The following DHRSX variants were observed in gnomAD, a reference collection of about 807,000 sequenced individuals.
DHRSX encodes polyprenol dehydrogenase.
In DHRSX, 31 loss-of-function variants were observed where a neutral mutation model predicts 34.0. The ratio of observed to expected loss-of-function variants is 0.91; its 90% CI spans 0.69 to 1.23. The LOEUF (loss-of-function observed/expected upper bound fraction) is 1.23, where lower values mean the gene tolerates loss of function less well. DHRSX is among the 50% of genes most tolerant of loss of function. The probability of loss-of-function intolerance (pLI) is 0.00; values close to 1 mark genes in which losing one functional copy is unlikely to be tolerated. For synonymous variants in DHRSX, 201 were observed against 183.8 expected (o/e 1.09, Z -0.76); for missense variants, 414 against 428.1 (o/e 0.97, Z 0.29).
chrX:2,222,057 A>G (rs2015533166), intron 6 of DHRSX, among the ~76,000 whole-genome samples: 1 of 152,220 alleles, frequency 6.6e-6, no homozygotes, highest in African/African-American at 2.4e-5. Context: ...ATGTGGGGAC[A>G]CAGTAATGAG....
chrX:2,294,176 A>T (rs953502724), intron 3 of DHRSX, among the ~76,000 whole-genome samples: 11 of 152,072 alleles, frequency 7.2e-5, no homozygotes, highest in African/African-American at 2.4e-4. Context: ...AGACACAGTG[A>T]GAGAGAGAAA....
At chrX:2,350,076 T>G (rs2042771362) in intron 3 of DHRSX, among the ~76,000 whole-genome samples, 1 of 151,434 alleles carries the variant, frequency 6.6e-6, no homozygotes, top group African/African-American at 2.4e-5. Flanking sequence ...CCAGGTGCAG[T>G]GGCCCACGCC....
chrX:2,350,058 G>C (rs985057522), intron 3 of DHRSX, among the ~76,000 whole-genome samples: 22 of 149,032 alleles, frequency 1.5e-4, no homozygotes, highest in African/African-American at 5.4e-4. Flanking sequence ...AAAAAAGAAC[G>C]TAATTGGCCA....
rs1159991841 is a variant in DHRSX, at chrX:2,331,436, G to GTTTTTTTTTTTTTTTTTTTTTT, written c.287-39855_287-39834dup. On this transcript the variant is annotated intron_variant, in intron 3 of 6. Coordinates refer to ENST00000334651, the MANE Select transcript of DHRSX (RefSeq NM_145177.3). ...GGAATCCTTTCAGGAAGGTTTTTTG[G>GTTTTTTTTTTTTTTTTTTTTTT]TTTTTTTTTTTTTTTTTTTTTTTTT... Among the ~76,000 whole-genome samples the GTTTTTTTTTTTTTTTTTTTTTT allele has an allele frequency of 2.1e-5, 2 of 94,658 alleles. 1 individual carries two copies. Among genetic ancestry groups the GTTTTTTTTTTTTTTTTTTTTTT allele is most frequent in the Non-Finnish European group, 4.3e-5 (2 of 46,468 alleles). 62.1% of individuals were successfully genotyped at this position (94,658 alleles called of 152,430 possible). A position where few individuals can be genotyped will look rare whatever the true frequency, so the allele number is the denominator to read the frequency against.
chrX:2,474,433 T>C (rs2044642354), intron 1 of DHRSX, among the ~76,000 whole-genome samples: 1 of 149,538 alleles, frequency 6.7e-6, no homozygotes, highest in South Asian at 2.1e-4. Flanking sequence ...CGCCCCCATG[T>C]ACGCACTGAA....
intron 1 of DHRSX, among the ~76,000 whole-genome samples, chrX:2,455,690 G>C (rs1229113830): frequency 7.0e-6 from 1 of 143,210 alleles, no homozygotes; most frequent in African/African-American, 2.6e-5. Context: ...GCAGTGAGCC[G>C]AGATTGTGCT....
chrX:2,314,470 GAAGGAAGGAAGGAA>G (rs2042215567), intron 3 of DHRSX, among the ~76,000 whole-genome samples: 8 of 40,764 alleles, frequency 2.0e-4, no homozygotes, highest in African/African-American at 7.3e-4. Context: ...AGGAAGGGGA[GAAGGAAGGAAGGAA>G]GGAAGGGAGG....
At chrX:2,259,379 T>TAA (rs1390973178) in intron 5 of DHRSX, among the ~76,000 whole-genome samples, 1 of 67,358 alleles carries the variant, frequency 1.5e-5, no homozygotes, top group African/African-American at 7.4e-5. Flanking sequence ...TATATAGATA[T>TAA]ATATATAGAT....
intron 3 of DHRSX, among the ~76,000 whole-genome samples, chrX:2,325,942 T>C (rs1174183971): frequency 6.6e-6 from 1 of 152,138 alleles, no homozygotes; most frequent in East Asian, 1.9e-4. Flanking sequence ...AACCCCAGGG[T>C]ATATACCCCA....
chrX:2,229,883 G>A (rs1410829376), intron 6 of DHRSX, among the ~76,000 whole-genome samples: 3 of 152,280 alleles, frequency 2.0e-5, no homozygotes, highest in Admixed American at 1.3e-4. Flanking sequence ...ATGTCTGTAT[G>A]TATATGGATA....
In DHRSX at chrX:2,227,438, A is replaced by G. The variant is rs193044807; in HGVS notation, c.805-6209T>C. On this transcript the variant is annotated intron_variant, in intron 6 of 6. Coordinates refer to ENST00000334651, the MANE Select transcript of DHRSX (RefSeq NM_145177.3). ...ATGGGAGGGAAGGAAGGAGTGACAC[A>G]GAGAGAGAGGGAGGGAGGCAGTAAG... Among the ~76,000 whole-genome samples the G allele has an allele frequency of 1.7e-3, 254 of 149,658 alleles. 1 individual carries two copies. Among genetic ancestry groups the G allele is most frequent in the African/African-American group, 5.9e-3 (240 of 40,608 alleles).
chrX:2,268,811 C>T, intron 4 of DHRSX, among the ~76,000 whole-genome samples: 1 of 152,256 alleles, frequency 6.6e-6, no homozygotes, highest in East Asian at 1.9e-4. Flanking sequence ...TACAAACACA[C>T]AGCATTTGTC....
intron 2 of DHRSX, among the ~76,000 whole-genome samples, chrX:2,413,505 A>G (rs2043656880): frequency 6.6e-6 from 1 of 152,238 alleles, no homozygotes; most frequent in African/African-American, 2.4e-5. Flanking sequence ...GCCATTCCAG[A>G]TGGAAACATA....
At chrX:2,394,992 G>C (rs1349347115) in intron 3 of DHRSX, among the ~76,000 whole-genome samples, 2 of 138,782 alleles carry the variant, frequency 1.4e-5, no homozygotes, top group East Asian at 4.0e-4. Flanking sequence ...GTGAGGACAA[G>C]TGGTCCGAGT....
intron 3 of DHRSX, among the ~76,000 whole-genome samples, chrX:2,382,053 C>A (rs2043209815): frequency 6.6e-6 from 1 of 152,144 alleles, no homozygotes; most frequent in Non-Finnish European, 1.5e-5. Flanking sequence ...AAAACATGGA[C>A]AAGAAGATGC....
chrX:2,356,054 G>A (rs1157631346), intron 3 of DHRSX, among the ~76,000 whole-genome samples: 6 of 139,996 alleles, frequency 4.3e-5, no homozygotes, highest in Admixed American at 7.6e-5. Context: ...CAACAAGTGC[G>A]AGACTCCGTC....
chrX:2,313,963 T>C, intron 3 of DHRSX, among the ~76,000 whole-genome samples: 1 of 151,878 alleles, frequency 6.6e-6, no homozygotes, highest in South Asian at 2.1e-4. Flanking sequence ...CTGGTTGAGT[T>C]TATCTGAAGA....
chrX:2,271,772 G>A (rs1052625495), intron 4 of DHRSX, among the ~76,000 whole-genome samples: 2 of 152,076 alleles, frequency 1.3e-5, no homozygotes, highest in East Asian at 3.8e-4. Context: ...GGCCCGGTGG[G>A]TCATGCCTGT....
chrX:2,452,020 T>C (rs1432595202), intron 1 of DHRSX, among the ~76,000 whole-genome samples: 1 of 150,940 alleles, frequency 6.6e-6, no homozygotes, highest in Non-Finnish European at 1.5e-5. Context: ...CCTAAGTATG[T>C]GGTTAAGGGA....
Sources: allele counts gnomAD v4.1 joint callset (sites outside exome capture counted in the v4.1 genomes callset), GRCh38; gene constraint gnomAD v4.1.1; transcripts MANE v1.5; gene names NCBI Gene and HGNC (gene_info 2026-07-23, HGNC 2026-07-21).